Variants in MAP2 observed in about 807,000 individuals in gnomAD.
MAP2 encodes microtubule-associated protein 2.
In MAP2, 14 loss-of-function variants were observed where a neutral mutation model predicts 137.6. That is an observed-to-expected ratio of 0.10 (90% CI 0.07 to 0.16). The LOEUF (loss-of-function observed/expected upper bound fraction) is 0.16. Among genes scored for constraint, MAP2 ranks in the 10% least tolerant of loss-of-function variants. The pLI, the probability that MAP2 is intolerant of heterozygous loss-of-function variation, is 1.00. For synonymous variants in MAP2, 786 were observed against 782.3 expected (o/e 1.00, Z -0.08); for missense variants, 2,088 against 2,191.5 (o/e 0.95, Z 0.94).
At chr2:209,671,134 G>A (rs971810792) in intron 5 of MAP2, among the ~76,000 whole-genome samples, 3 of 151,588 alleles carry the variant, frequency 2.0e-5, no homozygotes, top group Admixed American at 6.6e-5. Flanking sequence ...AGAAATATCT[G>A]GAAAAAAAAA....
Position 209,694,424 on chromosome 2 carries a change from G to T in MAP2, c.2254G>T (p.Ala752Ser), listed in dbSNP as rs142338628. The change falls in exon 8 of 16, where the codon GCA becomes TCA. Residue 752 changes from alanine (A) to serine (S), a missense_variant. Physicochemically the swap from Ala to Ser is moderately conservative, Grantham distance 99. Coordinates refer to ENST00000682079, the MANE Select transcript of MAP2 (RefSeq NM_001375505.1). ...GDDYLPATTP[A>S]LEKAPCFPVE... Reference sequence around the variant, plus strand: ...TGATTACCTTCCAGCCACCACACCTGCACTGGAGAAAGCCCCTTGCTTCCC... The same window carrying T: ...TGATTACCTTCCAGCCACCACACCTTCACTGGAGAAAGCCCCTTGCTTCCC... The T allele has an allele frequency of 5.5e-5, 88 of 1,614,070 alleles. No homozygotes were observed. Among genetic ancestry groups the T allele is most frequent in the Admixed American group, 1.5e-4 (9 of 60,012 alleles).
chr2:209,729,993 C>CT (rs11389149), intron 15 of MAP2, 31 bp downstream of exon 15: 1,257,468 of 1,430,268 alleles, frequency 0.88, 559,555 homozygotes, highest in Non-Finnish European at 0.91. Context: ...CCAATCTTGT[C>CT]TTTTTAAAAA....
Position 209,695,984 on chromosome 2 carries a change from A to T in MAP2, c.3814A>T (p.Thr1272Ser). 6.2e-7 allele frequency: 1 copy of T among 1,614,082 alleles called. No individual in the cohort carries two copies. Among genetic ancestry groups the T allele is most frequent in the Non-Finnish European group, 8.5e-7 (1 of 1,179,992 alleles). The change falls in exon 8 of 16, where the codon ACC becomes TCC. Residue 1272 changes from threonine (T) to serine (S), a missense_variant. Transcript: ENST00000682079. The part of the protein sequence containing the change: ...VSGAREEFVE[T>S]CPSEHKGVIE... ...AGGTGCCAGGGAGGAATTTGTGGAG[A>T]CCTGCCCAAGTGAACACAAAGGAGT...
Position 209,653,191 on chromosome 2 carries a change from T to G in MAP2, c.21T>G (p.Asp7Glu). Residue 7 changes from aspartate to glutamate, a missense_variant, in exon 5 of 16, where the codon GAT becomes GAG. Physicochemically the swap from Asp to Glu is conservative, Grantham distance 45. Coordinates refer to ENST00000682079, the MANE Select transcript of MAP2 (RefSeq NM_001375505.1). ...GAAGAATGGCAGATGAACGGAAAGA[T>G]GAAGCAAAGGCACCTCACTGGACCT... The part of the protein sequence containing the change: MADERK[D>E]EAKAPHWTSA... 6.3e-7 allele frequency: 1 copy of G among 1,599,340 alleles called. No individual in the cohort carries two copies. The highest frequency in any genetic ancestry group is 8.5e-7 in the Non-Finnish European group (1 of 1,174,650).
chr2:209,659,522 A>T (rs2042426023), intron 5 of MAP2, among the ~76,000 whole-genome samples: 1 of 152,230 alleles, frequency 6.6e-6, no homozygotes, highest in African/African-American at 2.4e-5. Flanking sequence ...GATTACAGGC[A>T]AAGCAGACAA....
intron 2 of MAP2, among the ~76,000 whole-genome samples, chr2:209,545,106 T>G (rs2067792680): frequency 6.6e-6 from 1 of 152,194 alleles, no homozygotes; most frequent in Non-Finnish European, 1.5e-5. Flanking sequence ...TTTCTTTTTT[T>G]GGTGGGTGGG....
chr2:209,492,658 G>A (rs895471104), intron 1 of MAP2, among the ~76,000 whole-genome samples: 1 of 152,070 alleles, frequency 6.6e-6, no homozygotes, highest in Admixed American at 6.6e-5. Flanking sequence ...GACAGACACA[G>A]AGCCAAATCT....
At chr2:209,465,356 G>A (rs1171556695) in intron 1 of MAP2, among the ~76,000 whole-genome samples, 1 of 152,088 alleles carries the variant, frequency 6.6e-6, no homozygotes, top group Non-Finnish European at 1.5e-5. Flanking sequence ...TATCATTGGA[G>A]TGAGTAATAT....
chr2:209,711,223 T>C (rs1399579987), intron 13 of MAP2, among the ~76,000 whole-genome samples: 1 of 152,218 alleles, frequency 6.6e-6, no homozygotes, highest in Non-Finnish European at 1.5e-5. Context: ...TGCCACTCTT[T>C]TTCTTGTCTC....
intron 5 of MAP2, among the ~76,000 whole-genome samples, chr2:209,677,108 AAAAC>A (rs1400679095): frequency 6.6e-6 from 1 of 151,756 alleles, no homozygotes; most frequent in African/African-American, 2.4e-5. Context: ...TGGCTTTATG[AAAAC>A]AAACAGCCTT....
intron 3 of MAP2, among the ~76,000 whole-genome samples, chr2:209,606,728 A>G (rs1271537307): frequency 2.0e-5 from 3 of 152,190 alleles, no homozygotes; most frequent in African/African-American, 7.2e-5. Context: ...TTGATAGTTG[A>G]GATCATGTTT....
chr2:209,695,406 C>G lies in MAP2; in HGVS notation c.3236C>G (p.Thr1079Ser), dbSNP rs771807994. ...AAACTTGAGGCTACACAGGACATGA[C>G]CCCCTCATCCAAAGCACCGCAGGAG... ...ELKLEATQDM[T>S]PSSKAPQEAD... Residue 1079 changes from threonine to serine, a missense_variant, in exon 8 of 16, where the codon ACC becomes AGC. Transcript: ENST00000682079. 1.2e-6 allele frequency: 2 copies of G among 1,612,820 alleles called. No individual in the cohort carries two copies. Among genetic ancestry groups the G allele is most frequent in the Non-Finnish European group, 8.5e-7 (1 of 1,179,458 alleles).
At chr2:209,641,245 T>G (rs2094000976) in intron 4 of MAP2, among the ~76,000 whole-genome samples, 1 of 152,160 alleles carries the variant, frequency 6.6e-6, no homozygotes, top group East Asian at 1.9e-4. Flanking sequence ...GAAGATTTAC[T>G]TTTATGGTAT....
At chr2:209,637,526 A>G (rs1044774587) in intron 4 of MAP2, among the ~76,000 whole-genome samples, 2 of 152,000 alleles carry the variant, frequency 1.3e-5, no homozygotes, top group East Asian at 1.9e-4. Context: ...GAGATGAGAT[A>G]AGATAAGATG....
At chr2:209,577,823 G>C (rs1229865162) in intron 2 of MAP2, among the ~76,000 whole-genome samples, 1 of 152,120 alleles carries the variant, frequency 6.6e-6, no homozygotes, top group Non-Finnish European at 1.5e-5. Flanking sequence ...GTTCACAAAA[G>C]GGCAATCATG....
intron 1 of MAP2, among the ~76,000 whole-genome samples, chr2:209,448,134 C>T (rs539999777): frequency 2.1e-4 from 32 of 152,234 alleles, no homozygotes; most frequent in African/African-American, 7.5e-4. Flanking sequence ...TGTCCTACAA[C>T]AGCATTGCTC....
At chr2:209,583,135 A>G (rs369825786) in intron 3 of MAP2, among the ~76,000 whole-genome samples, 80 of 127,444 alleles carry the variant, frequency 6.3e-4, no homozygotes, top group South Asian at 8.3e-4. Flanking sequence ...CTATCTATCC[A>G]TCTGTCTGTC....
At chr2:209,513,916 G>A (rs1442531206) in intron 2 of MAP2, among the ~76,000 whole-genome samples, 2 of 152,118 alleles carry the variant, frequency 1.3e-5, no homozygotes, top group African/African-American at 4.8e-5. Flanking sequence ...TGATAGTCAC[G>A]TTTTTGTCCA....
intron 2 of MAP2, among the ~76,000 whole-genome samples, chr2:209,545,972 C>G (rs867000763): frequency 3.3e-5 from 5 of 152,070 alleles, no homozygotes; most frequent in African/African-American, 1.2e-4. Flanking sequence ...AACCCCGTCT[C>G]TACTAAAAAA....
Sources: gnomAD v4.1 joint callset for allele counts (sites outside exome capture counted in the v4.1 genomes callset) on GRCh38, gnomAD v4.1.1 for gene constraint, MANE v1.5 for transcripts, NCBI Gene and HGNC (gene_info 2026-07-23, HGNC 2026-07-21) for gene names.